TRPM3: variants seen among roughly 807,000 people sequenced by gnomAD.
The protein encoded by TRPM3 is transient receptor potential cation channel subfamily M member 3, also known as long transient receptor potential channel 3.
TRPM3 carries 77 observed loss-of-function variants against 181.2 expected under a neutral mutation model. That is an observed-to-expected ratio of 0.42 (90% CI 0.35 to 0.51). TRPM3 has a LOEUF of 0.51. Among genes scored for constraint, TRPM3 ranks in the 20% least tolerant of loss-of-function variants. The pLI is 0.01. For synonymous variants in TRPM3, 745 were observed against 796.4 expected (o/e 0.94, Z 1.09); for missense variants, 1,759 against 2,196.7 (o/e 0.80, Z 3.98).
chr9:70,863,182 G>C, intron 2 of TRPM3, 70 bp from the exon 3 acceptor site: 1 of 1,356,900 alleles, frequency 7.4e-7, no homozygotes, highest in Non-Finnish European at 1.0e-6. Context: ...AAGGCAACCA[G>C]CTGGAGAAAT....
chr9:70,885,889 T>A (rs575480661), intron 1 of TRPM3, among the ~76,000 whole-genome samples: 1 of 152,222 alleles, frequency 6.6e-6, no homozygotes, highest in Non-Finnish European at 1.5e-5. Flanking sequence ...GTACTTAGCA[T>A]AGAAACAGCA....
intron 1 of TRPM3, among the ~76,000 whole-genome samples, chr9:71,091,105 T>C (rs914442070): frequency 9.9e-5 from 15 of 152,256 alleles, no homozygotes; most frequent in African/African-American, 3.6e-4. Context: ...GGACTTTGGC[T>C]TGATAAGGAA....
intron 1 of TRPM3, among the ~76,000 whole-genome samples, chr9:71,133,549 C>T (rs2026107): frequency 0.29 from 44,604 of 151,786 alleles, 6,650 homozygotes; most frequent in Admixed American, 0.36. Flanking sequence ...CCGCCTGCCT[C>T]GGCCTCCCAA....
chr9:71,159,137 A>AGAGAGAG (rs2076153285), intron 1 of TRPM3, among the ~76,000 whole-genome samples: 2 of 113,306 alleles, frequency 1.8e-5, no homozygotes, highest in African/African-American at 3.3e-5. Context: ...GAGAGAGAGA[A>AGAGAGAG]AGATGTCCAT....
chr9:71,029,391 C>T (rs118009438), intron 1 of TRPM3, among the ~76,000 whole-genome samples: 2,027 of 152,220 alleles, frequency 0.013, 19 homozygotes, highest in Non-Finnish European at 0.019. Context: ...ATTTAATATG[C>T]TCTGTGTATG....
intron 7 of TRPM3, among the ~76,000 whole-genome samples, chr9:70,776,984 T>A (rs2081482071): frequency 6.6e-6 from 1 of 152,144 alleles, no homozygotes; most frequent in South Asian, 2.1e-4. Context: ...GCTCTCTAGG[T>A]GATTCTCAGA....
At chr9:71,050,634 T>C (rs563144705) in intron 1 of TRPM3, among the ~76,000 whole-genome samples, 2 of 152,370 alleles carry the variant, frequency 1.3e-5, no homozygotes, top group Admixed American at 6.5e-5. Context: ...CTTTTAGAAG[T>C]GTTACTTTCC....
At chr9:70,873,803 T>G (rs951427801) in intron 1 of TRPM3, among the ~76,000 whole-genome samples, 4 of 151,952 alleles carry the variant, frequency 2.6e-5, no homozygotes, top group African/African-American at 9.7e-5. Flanking sequence ...GTTGCCAGTT[T>G]CCACTGCAAA....
chr9:71,266,265 G>T (rs1469211898), intron 1 of TRPM3, among the ~76,000 whole-genome samples: 1 of 151,992 alleles, frequency 6.6e-6, no homozygotes, highest in Non-Finnish European at 1.5e-5. Context: ...GATACCTGGA[G>T]AATAATTCCT....
At chr9:70,559,466 G>T (rs1446087669) in intron 22 of TRPM3, among the ~76,000 whole-genome samples, 1 of 152,166 alleles carries the variant, frequency 6.6e-6, no homozygotes, top group Non-Finnish European at 1.5e-5. Flanking sequence ...AAAGCAATAG[G>T]TCTGGTCTTT....
At chr9:71,217,385 G>A (rs538745081) in intron 1 of TRPM3, among the ~76,000 whole-genome samples, 217 of 152,288 alleles carry the variant, frequency 1.4e-3, no homozygotes, top group African/African-American at 5.0e-3. Context: ...GTATGTGTGT[G>A]TCAGACAGAG....
intron 1 of TRPM3, among the ~76,000 whole-genome samples, chr9:71,435,237 A>G (rs2094014726): frequency 6.6e-6 from 1 of 152,170 alleles, no homozygotes; most frequent in Admixed American, 6.5e-5. Flanking sequence ...AATGTGAATA[A>G]TATATAAAAT....
At chr9:71,329,034 C>T (rs1216740611) in intron 1 of TRPM3, among the ~76,000 whole-genome samples, 2 of 152,134 alleles carry the variant, frequency 1.3e-5, no homozygotes, top group East Asian at 1.9e-4. Context: ...TCCTGAGCCT[C>T]GGTTTCCTTT....
intron 8 of TRPM3, among the ~76,000 whole-genome samples, chr9:70,757,096 A>G (rs2135206773): frequency 6.6e-6 from 1 of 152,340 alleles, no homozygotes; most frequent in East Asian, 1.9e-4. Context: ...AGACAGACTA[A>G]TAAAGAAGAA....
chr9:71,131,805 G>A (rs77712462), intron 1 of TRPM3, among the ~76,000 whole-genome samples: 1,577 of 152,216 alleles, frequency 0.01, 29 homozygotes, highest in African/African-American at 0.035. Flanking sequence ...CAGAAGAACT[G>A]GTTTTGGAAA....
intron 1 of TRPM3, among the ~76,000 whole-genome samples, chr9:70,912,962 T>C (rs544534804): frequency 6.6e-6 from 1 of 152,296 alleles, no homozygotes; most frequent in African/African-American, 2.4e-5. Context: ...CCAACAGTTT[T>C]CTCCTTCTCT....
intron 1 of TRPM3, among the ~76,000 whole-genome samples, chr9:71,421,019 AAGAG>A (rs1228367806): frequency 1.3e-5 from 2 of 149,840 alleles, no homozygotes; most frequent in Non-Finnish European, 1.5e-5. Flanking sequence ...AAGAGAGAAA[AAGAG>A]AGAAAAAGAA....
intron 7 of TRPM3, among the ~76,000 whole-genome samples, chr9:70,778,253 A>C (rs1300432122): frequency 6.6e-6 from 1 of 152,154 alleles, no homozygotes; most frequent in African/African-American, 2.4e-5. Context: ...CATTGATAGG[A>C]TTCTCGTGAA....
At chr9:70,896,998 G>A (rs1266100363) in intron 1 of TRPM3, among the ~76,000 whole-genome samples, 48 of 125,992 alleles carry the variant, frequency 3.8e-4, no homozygotes, top group African/African-American at 1.4e-3. Context: ...TGGGGCACAT[G>A]TGATATTTTG....
Sources: allele counts gnomAD v4.1 joint callset (sites outside exome capture counted in the v4.1 genomes callset), GRCh38; gene constraint gnomAD v4.1.1; transcripts MANE v1.5; gene names NCBI Gene and HGNC (gene_info 2026-07-23, HGNC 2026-07-21).